The following NFAM1 variants were observed in gnomAD, a reference collection of about 807,000 sequenced individuals.
NFAM1 encodes NFAT activation molecule 1.
NFAM1 carries 17 observed loss-of-function variants against 29.0 expected under a neutral mutation model. That is an observed-to-expected ratio of 0.59 (90% confidence interval 0.40 to 0.88). The LOEUF (loss-of-function observed/expected upper bound fraction) is 0.88. NFAM1 is among the 40% of genes least tolerant of loss of function. NFAM1 has a pLI of 0.00. For missense variants in NFAM1, 324 were observed against 344.6 expected (o/e 0.94, Z 0.47); for synonymous variants, 175 against 147.2 (o/e 1.19, Z -1.36).
intron 1 of NFAM1, 126 bp downstream of exon 1, chr22:42,432,111 C>A: frequency 2.4e-6 from 2 of 847,942 alleles, no homozygotes; most frequent in Non-Finnish European, 1.9e-6. Context: ...AAGTCTGCAG[C>A]GTTCAAACGA....
upstream of NFAM1, among the ~76,000 whole-genome samples, chr22:42,436,207 G>C (rs974063941): frequency 3.3e-5 from 5 of 152,192 alleles, no homozygotes; most frequent in African/African-American, 1.2e-4. Context: ...AGCTCTTCAT[G>C]GTTCCTTTCT....
chr22:42,386,267 G>A (rs1262790819), intron 5 of NFAM1, among the ~76,000 whole-genome samples: 4 of 151,854 alleles, frequency 2.6e-5, no homozygotes, highest in East Asian at 1.9e-4. Context: ...CCAGCTACTC[G>A]GGAGGCTGAG....
chr22:42,418,541 A>G (rs943732632), intron 1 of NFAM1, among the ~76,000 whole-genome samples: 3 of 152,100 alleles, frequency 2.0e-5, no homozygotes, highest in Admixed American at 1.3e-4. Flanking sequence ...AAAATACAAA[A>G]AAGTATCTGG....
chr22:42,392,545 C>T (rs1601736111), intron 4 of NFAM1, among the ~76,000 whole-genome samples: 1 of 152,176 alleles, frequency 6.6e-6, no homozygotes, highest in South Asian at 2.1e-4. Context: ...TGTGGAGAAA[C>T]GGCAGGGAGC....
intron 1 of NFAM1, among the ~76,000 whole-genome samples, chr22:42,412,885 A>C (rs1197431939): frequency 1.3e-5 from 2 of 152,190 alleles, no homozygotes; most frequent in Non-Finnish European, 2.9e-5. Context: ...GACCATGACA[A>C]AGCCAGTTTT....
intron 3 of NFAM1, among the ~76,000 whole-genome samples, chr22:42,402,039 T>C (rs1929741567): frequency 6.6e-6 from 1 of 152,242 alleles, no homozygotes; most frequent in Non-Finnish European, 1.5e-5. Flanking sequence ...GGCTATGCTA[T>C]GGCAGGACAG....
intron 1 of NFAM1, among the ~76,000 whole-genome samples, chr22:42,416,789 C>T (rs1389627263): frequency 6.6e-6 from 1 of 152,228 alleles, no homozygotes; most frequent in Non-Finnish European, 1.5e-5. Context: ...CTGCATCATG[C>T]TTTGTCCCTT....
chr22:42,393,511 C>T (rs948574159), intron 4 of NFAM1, among the ~76,000 whole-genome samples: 12 of 151,802 alleles, frequency 7.9e-5, no homozygotes, highest in Non-Finnish European at 1.6e-4. Flanking sequence ...CAGGTTCAAG[C>T]GATTCTCCTG....
At chr22:42,432,415 T>C (rs1042595410), upstream of NFAM1, 13 of 1,478,740 alleles carry the variant, frequency 8.8e-6, no homozygotes, top group Non-Finnish European at 1.2e-5. Flanking sequence ...CGGCCGGCGC[T>C]GACAGCTTCC....
intron 4 of NFAM1, among the ~76,000 whole-genome samples, chr22:42,393,076 T>A (rs1346192509): frequency 6.6e-6 from 1 of 151,952 alleles, no homozygotes; most frequent in African/African-American, 2.4e-5. Flanking sequence ...TAGGTCAAGT[T>A]TTTTTTAAAA....
intron 2 of NFAM1, among the ~76,000 whole-genome samples, chr22:42,411,196 G>C (rs1445601510): frequency 6.6e-6 from 1 of 151,784 alleles, no homozygotes; most frequent in African/African-American, 2.4e-5. Context: ...GCTAATTTTT[G>C]TGTTTTTAGT....
At chr22:42,430,744 AAGAGCTTTTCCCC>A (rs1930771191) in intron 1 of NFAM1, among the ~76,000 whole-genome samples, 2 of 152,094 alleles carry the variant, frequency 1.3e-5, no homozygotes, top group Admixed American at 1.3e-4. Context: ...ACTGTTACAA[AAGAGCTTTTCCCC>A]AGTAGCACCC....
In NFAM1 at chr22:42,409,744, C is replaced by A. The variant is rs561845654; in HGVS notation, c.452-197G>T. 6.6e-6 allele frequency among the ~76,000 whole-genome samples: 1 copy of A among 152,340 alleles called. No individual in the cohort carries two copies. Among genetic ancestry groups the A allele is most frequent in the Admixed American group, 6.5e-5 (1 of 15,304 alleles). The stretch of plus-strand genomic sequence containing the variant: ...ACTCCTTTTCATGCTCACTGCCTTG[C>A]TTCTCTGTAAGGACAGGGGCCATTT... On this transcript the variant is annotated intron_variant, in intron 2 of 5. Transcript: ENST00000329021. The surrounding 1 kb of genome is among the most constrained non-coding windows in gnomAD (Gnocchi z 4.9).
At chr22:42,436,338 G>C (rs1346586107), upstream of NFAM1, among the ~76,000 whole-genome samples, 1 of 152,194 alleles carries the variant, frequency 6.6e-6, no homozygotes, top group Non-Finnish European at 1.5e-5. Context: ...ACCAGCAGGA[G>C]GGACCCCTCA....
intron 1 of NFAM1, 70 bp from the exon 2 acceptor site, chr22:42,411,806 T>TAACAGGC: frequency 9.1e-7 from 1 of 1,102,150 alleles, no homozygotes; most frequent in Non-Finnish European, 1.4e-6. Flanking sequence ...ACTTGCCTGT[T>TAACAGGC]AAGGCTCACG....
At chr22:42,402,549 G>A (rs1199393267) in intron 3 of NFAM1, among the ~76,000 whole-genome samples, 1 of 152,196 alleles carries the variant, frequency 6.6e-6, no homozygotes, top group African/African-American at 2.4e-5. Context: ...CTGCCTATGG[G>A]GTGGGACAGA....
chr22:42,402,789 T>C (rs955930799), intron 3 of NFAM1, among the ~76,000 whole-genome samples: 2 of 151,110 alleles, frequency 1.3e-5, no homozygotes, highest in African/African-American at 4.9e-5. Context: ...CCTCTCCTGG[T>C]ACTCAAAGCG....
In NFAM1 at chr22:42,409,492, G is replaced by A; in HGVS notation, c.507C>T (p.Phe169=). 6.4e-7 allele frequency: 1 copy of A among 1,569,760 alleles called. No homozygotes were observed. Among genetic ancestry groups the A allele is most frequent in the Non-Finnish European group, 8.6e-7 (1 of 1,157,014 alleles). The part of the protein sequence containing the change: ...QSPQKLLLFG[F]TGLLSVLSVV... ...CACTCAGGACACTCAGGAGGCCGGT[G>A]AAGCCAAAGAGCAGGAGCTTCTGTG... Residue 169 remains phenylalanine, a synonymous_variant, in exon 3 of 6, where the codon TTC becomes TTT. Transcript: ENST00000329021. The surrounding 1 kb of genome is among the most constrained non-coding windows in gnomAD (Gnocchi z 4.9).
chr22:42,431,662 C>T (rs1008361049), intron 1 of NFAM1, among the ~76,000 whole-genome samples: 1 of 152,204 alleles, frequency 6.6e-6, no homozygotes, highest in Admixed American at 6.5e-5. Flanking sequence ...GACACACTTG[C>T]ATCCTAAAAC....
Sources: allele counts gnomAD v4.1 joint callset (sites outside exome capture counted in the v4.1 genomes callset), GRCh38; gene constraint gnomAD v4.1.1; non-coding constraint Gnocchi (gnomAD v3.1); transcripts MANE v1.5; gene names NCBI Gene and HGNC (gene_info 2026-07-23, HGNC 2026-07-21).